CTNND2: variants seen among roughly 807,000 people sequenced by gnomAD.
CTNND2 encodes catenin delta-2.
CTNND2 carries 22 observed loss-of-function variants against 144.4 expected under a neutral mutation model. The ratio of observed to expected loss-of-function variants is 0.15; its 90% confidence interval spans 0.11 to 0.22. The LOEUF (loss-of-function observed/expected upper bound fraction) is 0.22. Ranked by LOEUF, CTNND2 falls within the 10% of genes least tolerant of loss-of-function variation. CTNND2 has a pLI of 1.00. For synonymous variants in CTNND2, 751 were observed against 695.6 expected, an observed-to-expected ratio of 1.08 and a Z score of -1.25; for missense variants, 1,353 against 1,618.8, an observed-to-expected ratio of 0.84 and a Z score of 2.82.
At chr5:11,637,221 T>C (rs1005179507) in intron 2 of CTNND2, among the ~76,000 whole-genome samples, 4 of 152,174 alleles carry the variant, frequency 2.6e-5, no homozygotes, top group African/African-American at 9.7e-5. Flanking sequence ...TAAATACTAA[T>C]AGAGGGAATG....
At chr5:11,616,980 A>G (rs1484851025) in intron 2 of CTNND2, among the ~76,000 whole-genome samples, 1 of 151,956 alleles carries the variant, frequency 6.6e-6, no homozygotes, top group African/African-American at 2.4e-5. Context: ...TCTCCTAGGT[A>G]TTGCCTGTAA....
chr5:11,207,158 T>C (rs1369086515), intron 10 of CTNND2, among the ~76,000 whole-genome samples: 1 of 152,156 alleles, frequency 6.6e-6, no homozygotes, highest in African/African-American at 2.4e-5. Flanking sequence ...ACACTGCATG[T>C]TCTCACTCAT....
chr5:11,497,132 G>T (rs925087646), intron 3 of CTNND2, among the ~76,000 whole-genome samples: 1 of 152,120 alleles, frequency 6.6e-6, no homozygotes. Context: ...CATGTGGTCT[G>T]TCTGTGTGTC....
intron 19 of CTNND2, among the ~76,000 whole-genome samples, chr5:10,989,771 T>A (rs1738454366): frequency 6.6e-6 from 1 of 152,090 alleles, no homozygotes; most frequent in Admixed American, 6.5e-5. Flanking sequence ...CAGCTCTCAA[T>A]CGAGTAAGGA....
chr5:11,067,315 T>A (rs1747723807), intron 16 of CTNND2, among the ~76,000 whole-genome samples: 1 of 152,222 alleles, frequency 6.6e-6, no homozygotes, highest in Admixed American at 6.5e-5. Flanking sequence ...TGGAGAATGG[T>A]CAAGGCAGGG....
At chr5:11,831,395 G>A (rs527630899) in intron 1 of CTNND2, among the ~76,000 whole-genome samples, 65 of 152,172 alleles carry the variant, frequency 4.3e-4, no homozygotes, top group Admixed American at 3.8e-3. Context: ...GTTGCCAGGC[G>A]TGGTGGCTCA....
At chr5:11,641,824 GTA>G (rs141098923) in intron 2 of CTNND2, among the ~76,000 whole-genome samples, 4,672 of 141,590 alleles carry the variant, frequency 0.033, 443 homozygotes, top group East Asian at 0.11. Flanking sequence ...ATACATATAC[GTA>G]TATGTGTATG....
intron 2 of CTNND2, among the ~76,000 whole-genome samples, chr5:11,653,180 T>G (rs2126542766): frequency 6.6e-6 from 1 of 152,056 alleles, no homozygotes; most frequent in South Asian, 2.1e-4. Context: ...ATCTTGACTA[T>G]TATTAACAAT....
intron 2 of CTNND2, among the ~76,000 whole-genome samples, chr5:11,585,043 T>C (rs987285361): frequency 6.6e-6 from 1 of 152,180 alleles, no homozygotes; most frequent in Non-Finnish European, 1.5e-5. Flanking sequence ...GGCATTACAA[T>C]AATGGCCATG....
intron 9 of CTNND2, among the ~76,000 whole-genome samples, chr5:11,333,063 C>G (rs1753344225): frequency 6.6e-6 from 1 of 152,160 alleles, no homozygotes; most frequent in Non-Finnish European, 1.5e-5. Flanking sequence ...TGAAAATGGA[C>G]TAATACATAT....
chr5:11,451,270 A>C (rs1018211523), intron 3 of CTNND2, among the ~76,000 whole-genome samples: 4 of 152,154 alleles, frequency 2.6e-5, no homozygotes, highest in African/African-American at 9.7e-5. Context: ...TATATTTAAC[A>C]TAAGAGTTGA....
chr5:11,266,944 T>A (rs1167247682), intron 9 of CTNND2, among the ~76,000 whole-genome samples: 1 of 152,196 alleles, frequency 6.6e-6, no homozygotes, highest in Non-Finnish European at 1.5e-5. Flanking sequence ...AATGGCGCGA[T>A]CTCAGCTCAC....
intron 1 of CTNND2, among the ~76,000 whole-genome samples, chr5:11,889,023 T>A (rs1736768655): frequency 6.6e-6 from 1 of 152,134 alleles, no homozygotes; most frequent in Non-Finnish European, 1.5e-5. Context: ...GTGCTGTGAT[T>A]ATAGATGTGA....
At position 11,677,540 on chromosome 5, in the gene CTNND2, G is replaced by A. The variant is rs191450270; in HGVS notation, c.174+54596C>T. 3.7e-3 allele frequency among the ~76,000 whole-genome samples: 569 copies of A among 152,244 alleles called. 3 individuals are homozygous for A. The highest frequency in any genetic ancestry group is 3.5e-3 in the Non-Finnish European group (241 of 68,010). On this transcript the variant is annotated intron_variant, in intron 2 of 21. Coordinates refer to ENST00000304623, the MANE Select transcript of CTNND2 (RefSeq NM_001332.4). ...ATAGCGATTATGATTCCTTAGAAATGAATTAATATAAAGACTAATGTGAAG... is the reference window on the plus strand; with the variant it reads ...ATAGCGATTATGATTCCTTAGAAATAAATTAATATAAAGACTAATGTGAAG...
At chr5:11,174,702 G>C (rs1760290076) in intron 11 of CTNND2, among the ~76,000 whole-genome samples, 1 of 152,188 alleles carries the variant, frequency 6.6e-6, no homozygotes, top group African/African-American at 2.4e-5. Context: ...ATTATACGCA[G>C]AGCACGTCAC....
chr5:11,756,875 G>A (rs79095802), intron 1 of CTNND2, among the ~76,000 whole-genome samples: 1 of 151,336 alleles, frequency 6.6e-6, no homozygotes, highest in African/African-American at 2.4e-5. Context: ...GTTGTTATGT[G>A]AAAAGTCAAT....
intron 7 of CTNND2, among the ~76,000 whole-genome samples, chr5:11,369,508 C>T (rs980393765): frequency 2.6e-4 from 40 of 152,212 alleles, no homozygotes; most frequent in Non-Finnish European, 7.4e-5. Flanking sequence ...ATTTTTGGAA[C>T]GATTTGTAAC....
intron 2 of CTNND2, among the ~76,000 whole-genome samples, chr5:11,670,930 T>C (rs975192525): frequency 6.6e-6 from 1 of 152,222 alleles, no homozygotes; most frequent in Non-Finnish European, 1.5e-5. Context: ...TTCTTTTCCA[T>C]GTTTAGTGCT....
chr5:11,740,562 T>C lies in CTNND2; in HGVS notation c.38-8290A>G, dbSNP rs1379702019. ...ATTCAAGATAGATTAAAGACTTGAA[T>C]GTAAGACCTAAAACCATAAAAACCC... On this transcript the variant is annotated intron_variant, in intron 1 of 21. Coordinates refer to ENST00000304623, the MANE Select transcript of CTNND2 (RefSeq NM_001332.4). Among the ~76,000 whole-genome samples, 3 of 152,172 alleles carry C rather than the reference T, an allele frequency of 2.0e-5. No individual in the cohort carries two copies. The East Asian group carries it at 5.8e-4, about 29-fold the overall frequency.
Sources: gnomAD v4.1 joint callset for allele counts (sites outside exome capture counted in the v4.1 genomes callset) on GRCh38, gnomAD v4.1.1 for gene constraint, MANE v1.5 for transcripts, NCBI Gene and HGNC (gene_info 2026-07-23, HGNC 2026-07-21) for gene names.